Variants in CCDC14 observed in about 807,000 individuals in gnomAD.
CCDC14 encodes the protein coiled-coil domain-containing protein 14.
Under a neutral mutation model 81.4 loss-of-function variants are expected in CCDC14, and 71 were observed. The ratio of observed to expected loss-of-function variants is 0.87; its 90% CI spans 0.72 to 1.06. The LOEUF (loss-of-function observed/expected upper bound fraction) is 1.06, where lower values mean the gene tolerates loss of function less well. Among genes scored for constraint, CCDC14 ranks in the 50% least tolerant of loss-of-function variants. The pLI is 0.00. For synonymous variants in CCDC14, 332 were observed against 364.8 expected (o/e 0.91, Z 1.03); for missense variants, 1,046 against 1,047.3 (o/e 1.00, Z 0.02).
chr3:123,956,620 C>A, intron 2 of CCDC14, 120 bp downstream of exon 2: 1 of 809,260 alleles, frequency 1.2e-6, no homozygotes, highest in South Asian at 1.8e-5. Context: ...AAAAATTGTT[C>A]CTCAGAGCTT....
chr3:123,954,907 C>T (rs1275245291), intron 5 of CCDC14: 3 of 152,074 alleles, frequency 2.0e-5, no homozygotes, highest in Non-Finnish European at 2.9e-5. Context: ...CAGTGGCTAC[C>T]ATCTTGAATA....
downstream of CCDC14, among the ~76,000 whole-genome samples, chr3:123,911,195 A>T (rs1219806206): frequency 6.6e-6 from 1 of 152,216 alleles, no homozygotes; most frequent in Non-Finnish European, 1.5e-5. Context: ...TTAACTTTTA[A>T]ACCCTTCAGA....
chr3:123,960,413 C>T (rs1255725886), intron 1 of CCDC14, among the ~76,000 whole-genome samples: 1 of 152,196 alleles, frequency 6.6e-6, no homozygotes, highest in African/African-American at 2.4e-5. Context: ...TGGACTCTGG[C>T]ATCAGTTTTG....
At chr3:123,949,994 G>C (rs1034603097) in intron 5 of CCDC14, among the ~76,000 whole-genome samples, 2 of 152,128 alleles carry the variant, frequency 1.3e-5, no homozygotes, top group African/African-American at 4.8e-5. Context: ...ACAGAACCTA[G>C]TATTAGTCTA....
chr3:123,943,625 T>G (rs561689551), intron 9 of CCDC14, among the ~76,000 whole-genome samples: 2 of 152,230 alleles, frequency 1.3e-5, no homozygotes, highest in African/African-American at 4.8e-5. Flanking sequence ...CAGACAGAAC[T>G]TCTTGGGTTT....
intron 9 of CCDC14, among the ~76,000 whole-genome samples, chr3:123,935,528 C>A (rs980632678): frequency 5.3e-5 from 8 of 152,104 alleles, no homozygotes; most frequent in Non-Finnish European, 8.8e-5. Context: ...TAAAATGCTA[C>A]ATAAATTATG....
At chr3:123,892,593 T>C (rs867790232), downstream of CCDC14, among the ~76,000 whole-genome samples, 2 of 152,134 alleles carry the variant, frequency 1.3e-5, no homozygotes, top group Non-Finnish European at 2.9e-5. Flanking sequence ...TACTACCGTA[T>C]GGTCAGGCTG....
chr3:123,948,821 CCTA>C (rs1215426446), intron 6 of CCDC14, 36 bp from the exon 7 acceptor site: 1 of 1,579,026 alleles, frequency 6.3e-7, no homozygotes, highest in African/African-American at 1.4e-5. Context: ...AATCACATAT[CCTA>C]CTTTTTATAC....
intron 12 of CCDC14, among the ~76,000 whole-genome samples, chr3:123,928,333 T>TA (rs36006823): frequency 0.67 from 50,762 of 76,188 alleles, 17,896 homozygotes; most frequent in Middle Eastern, 0.76. Flanking sequence ...CAGTCTCTAC[T>TA]AAAAAAAAAA....
At chr3:123,939,590 C>T (rs1245687280) in intron 9 of CCDC14, among the ~76,000 whole-genome samples, 1 of 151,256 alleles carries the variant, frequency 6.6e-6, no homozygotes, top group African/African-American at 2.4e-5. Flanking sequence ...TTTTCAGGAA[C>T]ACTAATTTAT....
At chr3:123,938,841 T>C (rs1287453394) in intron 9 of CCDC14, among the ~76,000 whole-genome samples, 1 of 151,942 alleles carries the variant, frequency 6.6e-6, no homozygotes, top group Non-Finnish European at 1.5e-5. Context: ...ATTAGGCAAA[T>C]ATTTCTTTAC....
chr3:123,897,353 A>C (rs2034080780), downstream of CCDC14: 1 of 154,800 alleles, frequency 6.5e-6, no homozygotes, highest in African/African-American at 2.4e-5. Flanking sequence ...ATAATTCTAA[A>C]ATTTAGTACA....
At chr3:123,956,188 G>GT in intron 3 of CCDC14, 73 bp from the exon 4 acceptor site, 1 of 1,391,232 alleles carries the variant, frequency 7.2e-7, no homozygotes, top group East Asian at 2.5e-5. Context: ...AAATTATGTA[G>GT]TTTTAAAATT....
intron 9 of CCDC14, among the ~76,000 whole-genome samples, chr3:123,938,082 T>C (rs1384523989): frequency 6.6e-6 from 1 of 151,872 alleles, no homozygotes; most frequent in Non-Finnish European, 1.5e-5. Flanking sequence ...ACCAACTTGG[T>C]TTTCCTTTCT....
downstream of CCDC14, among the ~76,000 whole-genome samples, chr3:123,895,244 T>TC (rs1405865718): frequency 2.0e-5 from 3 of 152,318 alleles, no homozygotes; most frequent in South Asian, 6.2e-4. Flanking sequence ...CCGCTGCACT[T>TC]CCTTCCTGTC....
At chr3:123,894,391 A>T (rs2034030377), downstream of CCDC14, among the ~76,000 whole-genome samples, 1 of 152,232 alleles carries the variant, frequency 6.6e-6, no homozygotes. Context: ...AGGAAGTATG[A>T]AACCTTCAAT....
downstream of CCDC14, among the ~76,000 whole-genome samples, chr3:123,895,980 C>A (rs577336604): frequency 3.2e-4 from 48 of 152,272 alleles, no homozygotes; most frequent in South Asian, 1.2e-3. Flanking sequence ...ATGCTCATTG[C>A]AGCATTATTC....
intron 1 of CCDC14, 91 bp downstream of exon 1, chr3:123,961,053 T>C (rs1356513669): frequency 3.5e-5 from 41 of 1,166,346 alleles, no homozygotes; most frequent in Non-Finnish European, 4.9e-5. Context: ...TCTTTGTCTT[T>C]TTTCGAGCAG....
chr3:123,959,717 T>C (rs556801525), intron 1 of CCDC14, among the ~76,000 whole-genome samples: 1 of 152,318 alleles, frequency 6.6e-6, no homozygotes, highest in Non-Finnish European at 1.5e-5. Flanking sequence ...TAGTGGACAG[T>C]GGTACGTGGA....
Sources: gnomAD v4.1 joint callset for allele counts (sites outside exome capture counted in the v4.1 genomes callset) on GRCh38, gnomAD v4.1.1 for gene constraint, MANE v1.5 for transcripts, NCBI Gene and HGNC (gene_info 2026-07-23, HGNC 2026-07-21) for gene names.